The following BAIAP2L1 variants were observed in gnomAD, a reference collection of about 807,000 sequenced individuals.
BAIAP2L1 encodes the protein BAR/IMD domain containing adaptor protein 2 like 1, also known as BAR/IMD domain-containing adapter protein 2-like 1.
Under a neutral mutation model 66.3 loss-of-function variants are expected in BAIAP2L1, and 35 were observed. The ratio of observed to expected loss-of-function variants is 0.53; its 90% CI spans 0.40 to 0.70. The LOEUF is 0.70. BAIAP2L1 is among the 30% of genes least tolerant of loss of function. The pLI, the probability that BAIAP2L1 is intolerant of heterozygous loss-of-function variation, is 0.00. For synonymous variants in BAIAP2L1, 269 were observed against 248.7 expected (o/e 1.08, Z -0.77); for missense variants, 622 against 656.9 (o/e 0.95, Z 0.58).
intron 1 of BAIAP2L1, among the ~76,000 whole-genome samples, chr7:98,374,698 T>C (rs1802579977): frequency 1.3e-5 from 2 of 152,146 alleles, no homozygotes; most frequent in South Asian, 4.1e-4. Flanking sequence ...ATTAATCTAA[T>C]AGCATAATGT....
chr7:98,341,738 T>C (rs949064345), intron 3 of BAIAP2L1, among the ~76,000 whole-genome samples: 2 of 152,140 alleles, frequency 1.3e-5, no homozygotes, highest in Non-Finnish European at 2.9e-5. Context: ...ATGATGATTA[T>C]AGGAGTTAAT....
At chr7:98,326,959 G>A (rs1801392223) in intron 3 of BAIAP2L1, among the ~76,000 whole-genome samples, 1 of 152,160 alleles carries the variant, frequency 6.6e-6, no homozygotes, top group Admixed American at 6.5e-5. Flanking sequence ...AGAGGAAGAT[G>A]AACACTGTGT....
chr7:98,343,442 C>T (rs1479268269), intron 3 of BAIAP2L1, among the ~76,000 whole-genome samples: 1 of 151,972 alleles, frequency 6.6e-6, no homozygotes, highest in African/African-American at 2.4e-5. Flanking sequence ...CAGAGCCAGA[C>T]TCTGTCTCAA....
chr7:98,328,589 G>A (rs1280113176), intron 3 of BAIAP2L1, among the ~76,000 whole-genome samples: 1 of 151,612 alleles, frequency 6.6e-6, no homozygotes, highest in African/African-American at 2.4e-5. Context: ...GCTTATACCT[G>A]GAGTCCCAGC....
chr7:98,356,092 C>T (rs1802113452), intron 2 of BAIAP2L1, among the ~76,000 whole-genome samples: 1 of 152,034 alleles, frequency 6.6e-6, no homozygotes, highest in Admixed American at 6.6e-5. Flanking sequence ...ATAGTACTGC[C>T]CCCTTCGAAC....
intron 3 of BAIAP2L1, among the ~76,000 whole-genome samples, chr7:98,330,594 T>A: frequency 6.6e-6 from 1 of 150,488 alleles, no homozygotes; most frequent in African/African-American, 2.5e-5. Flanking sequence ...TAGGCGGAGG[T>A]TGCAGTGAGC....
intron 5 of BAIAP2L1, among the ~76,000 whole-genome samples, chr7:98,318,129 T>C (rs761932210): frequency 7.9e-5 from 12 of 152,210 alleles, no homozygotes; most frequent in Non-Finnish European, 1.5e-4. Context: ...TCAGTTCACA[T>C]TGCCCCCTTC....
intron 7 of BAIAP2L1, among the ~76,000 whole-genome samples, chr7:98,314,411 C>T (rs992755326): frequency 1.3e-5 from 2 of 152,162 alleles, no homozygotes; most frequent in Non-Finnish European, 2.9e-5. Flanking sequence ...AAAGCTTCTC[C>T]TATATTGGAA....
At chr7:98,315,685 C>T (rs530405332) in intron 6 of BAIAP2L1, 73 bp from the exon 7 acceptor site, 11 of 717,194 alleles carry the variant, frequency 1.5e-5, no homozygotes, top group African/African-American at 7.3e-5. Flanking sequence ...TGCAGCCTGA[C>T]GTTTATCTTC....
chr7:98,386,638 C>T (rs1172532339), intron 1 of BAIAP2L1: 59 of 1,444,940 alleles, frequency 4.1e-5, no homozygotes, highest in South Asian at 2.2e-4. Context: ...ATGTTCTTTC[C>T]GAGAACTTTT....
chr7:98,375,036 G>A (rs1457703578), intron 1 of BAIAP2L1, among the ~76,000 whole-genome samples: 1 of 151,908 alleles, frequency 6.6e-6, no homozygotes, highest in Non-Finnish European at 1.5e-5. Flanking sequence ...TCAATGAGCC[G>A]AGATTGTGCC....
chr7:98,300,250 C>G (rs2116816873), intron 12 of BAIAP2L1, among the ~76,000 whole-genome samples: 1 of 64,216 alleles, frequency 1.6e-5, no homozygotes, highest in African/African-American at 5.0e-5. Context: ...AGGCCCAGAA[C>G]ACACAGCCAT....
chr7:98,308,230 C>T (rs2116862051), intron 9 of BAIAP2L1: 4 of 506,416 alleles, frequency 7.9e-6, no homozygotes, highest in South Asian at 4.6e-5. Context: ...AGAGACAAAC[C>T]GCTCCAACGC....
chr7:98,358,674 T>C (rs6969234), intron 2 of BAIAP2L1, among the ~76,000 whole-genome samples: 57,568 of 151,936 alleles, frequency 0.38, 12,421 homozygotes, highest in Middle Eastern at 0.54. Flanking sequence ...ATTTTAGTGG[T>C]TGGCCAACTA....
At chr7:98,337,511 T>C (rs1042611954) in intron 3 of BAIAP2L1, among the ~76,000 whole-genome samples, 1 of 151,526 alleles carries the variant, frequency 6.6e-6, no homozygotes, top group African/African-American at 2.5e-5. Context: ...GTGTGAACAG[T>C]TGAGGAGAAT....
intron 2 of BAIAP2L1, among the ~76,000 whole-genome samples, chr7:98,360,646 C>T (rs1466550215): frequency 9.2e-5 from 14 of 151,890 alleles, no homozygotes; most frequent in Admixed American, 9.2e-4. Flanking sequence ...AAAGAGGCAG[C>T]TCATGCTAGA....
intron 12 of BAIAP2L1, among the ~76,000 whole-genome samples, chr7:98,295,007 G>A (rs1411311060): frequency 6.6e-6 from 1 of 152,214 alleles, no homozygotes; most frequent in Non-Finnish European, 1.5e-5. Flanking sequence ...CCCAGGAGAG[G>A]GCAGTGTAAC....
chr7:98,310,560 G>A lies in BAIAP2L1; in HGVS notation c.840C>T (p.Cys280=). 6.3e-7 allele frequency: 1 copy of A among 1,590,364 alleles called. No homozygotes were observed. The highest frequency in any genetic ancestry group is 8.5e-7 in the Non-Finnish European group (1 of 1,173,342). Residue 280 remains cysteine, a synonymous_variant, in exon 9 of 14, where the codon TGC becomes TGT. Transcript: ENST00000005260. ...AAGGAGCGGGGGGCATCTTTGGTGAGCATTTAGAAAGGGTGTCGTAATCTT... is the reference window on the plus strand; with the variant it reads ...AAGGAGCGGGGGGCATCTTTGGTGAACATTTAGAAAGGGTGTCGTAATCTT... ...VRKDYDTLSK[C]SPKMPPAPSG...
At position 98,386,693 on chromosome 7, in the gene BAIAP2L1, GTTTTTTTTTTTTTT is replaced by G. The variant is rs71112150; in HGVS notation, c.51+14095_51+14108del. 6.7e-4 allele frequency: 127 copies of G among 188,820 alleles called. 4 individuals are homozygous for G. The Middle Eastern group carries it at 0.011, about 17-fold the overall frequency. The allele number at this position is 188,820 out of a possible 1,614,324, so 11.7% of individuals were successfully genotyped here. A position where few individuals can be genotyped will look rare whatever the true frequency, so the allele number is the denominator to read the frequency against. ...CTCTCCTATATTCAACTTTCCAAAG[GTTTTTTTTTTTTTT>G]TTTTTTTTTTGGTGACAGAGTCTCG... On this transcript the variant is annotated intron_variant, in intron 1 of 13. Coordinates refer to ENST00000005260, the MANE Select transcript of BAIAP2L1 (RefSeq NM_018842.5).
Sources: gnomAD v4.1 joint callset for allele counts (sites outside exome capture counted in the v4.1 genomes callset) on GRCh38, gnomAD v4.1.1 for gene constraint, MANE v1.5 for transcripts, NCBI Gene and HGNC (gene_info 2026-07-23, HGNC 2026-07-21) for gene names.